The following STPG4 variants were observed in gnomAD, a reference collection of about 807,000 sequenced individuals.
STPG4 encodes the protein sperm-tail PG-rich repeat containing 4.
Under a neutral mutation model 31.5 loss-of-function variants are expected in STPG4, and 41 were observed. That is an observed-to-expected ratio of 1.30 (90% CI 1.01 to 1.69). STPG4 has a LOEUF of 1.69. STPG4 is among the 40% of genes most tolerant of loss of function. STPG4 has a pLI of 0.00. For missense variants in STPG4, 375 were observed against 293.4 expected, an observed-to-expected ratio of 1.28 and a Z score of -2.03; for synonymous variants, 141 against 103.0, an observed-to-expected ratio of 1.37 and a Z score of -2.24.
Position 47,125,545 on chromosome 2 carries a change from T to C in STPG4, c.519+4396A>G, listed in dbSNP as rs541081416. Among the ~76,000 whole-genome samples the C allele has an allele frequency of 3.3e-5, 5 of 152,344 alleles. No homozygotes were observed. In the Middle Eastern group the frequency reaches 0.01, roughly 313 times the overall value. ...TTATGTGGGTCGTCTCTTCACTTTG[T>C]TGATTGTTTCCTTTGTTGTGCAGAA... On this transcript the variant is annotated intron_variant, in intron 5 of 6. Transcript: ENST00000445927.
At chr2:47,139,301 C>T (rs1686658939) in intron 3 of STPG4, among the ~76,000 whole-genome samples, 1 of 152,162 alleles carries the variant, frequency 6.6e-6, no homozygotes, top group South Asian at 2.1e-4. Context: ...ATTATATCTT[C>T]TTGTAGAGTT....
intron 6 of STPG4, among the ~76,000 whole-genome samples, chr2:47,088,690 A>G (rs1685509037): frequency 6.6e-6 from 1 of 152,226 alleles, no homozygotes; most frequent in Non-Finnish European, 1.5e-5. Flanking sequence ...TTCAGGAAAC[A>G]GCAAGAGTGG....
chr2:47,132,396 A>G (rs909855078), intron 3 of STPG4, among the ~76,000 whole-genome samples: 1 of 152,230 alleles, frequency 6.6e-6, no homozygotes, highest in Admixed American at 6.5e-5. Context: ...TCTACCTCCC[A>G]GCACTCGCTG....
intron 5 of STPG4, among the ~76,000 whole-genome samples, chr2:47,107,357 T>C (rs1407061145): frequency 6.6e-6 from 1 of 152,016 alleles, no homozygotes; most frequent in African/African-American, 2.4e-5. Flanking sequence ...ATGGGCTTGG[T>C]GGGCCCCGCA....
chr2:47,126,120 A>T (rs80071913), intron 5 of STPG4, among the ~76,000 whole-genome samples: 3,759 of 152,210 alleles, frequency 0.025, 160 homozygotes, highest in African/African-American at 0.085. Flanking sequence ...TTTTTGCTAC[A>T]ATAGCTCTGT....
intron 3 of STPG4, among the ~76,000 whole-genome samples, chr2:47,137,113 T>C (rs570738479): frequency 6.6e-6 from 1 of 152,352 alleles, no homozygotes; most frequent in South Asian, 2.1e-4. Flanking sequence ...AGTATGATGC[T>C]AGCTGTAGGT....
chr2:47,125,383 T>C (rs1686345229), intron 5 of STPG4, among the ~76,000 whole-genome samples: 1 of 152,158 alleles, frequency 6.6e-6, no homozygotes, highest in African/African-American at 2.4e-5. Context: ...TTTGCATCAC[T>C]GCACTTCAGC....
At chr2:47,092,235 A>G (rs1449210024) in intron 5 of STPG4, among the ~76,000 whole-genome samples, 2 of 148,716 alleles carry the variant, frequency 1.3e-5, no homozygotes, top group Admixed American at 1.4e-4. Flanking sequence ...GAAATTAGGT[A>G]AAGAAGAAAA....
chr2:47,094,573 G>A (rs945011148), intron 5 of STPG4, among the ~76,000 whole-genome samples: 1 of 152,170 alleles, frequency 6.6e-6, no homozygotes, highest in Admixed American at 6.5e-5. Context: ...AGTCCAGTGA[G>A]GGATATAGGC....
chr2:47,114,292 G>A (rs1034643978), intron 5 of STPG4, among the ~76,000 whole-genome samples: 4 of 151,922 alleles, frequency 2.6e-5, no homozygotes, highest in African/African-American at 9.7e-5. Context: ...ATCGCTTGAG[G>A]CCCGGAGTTC....
At chr2:47,088,707 G>A (rs909315956) in intron 6 of STPG4, among the ~76,000 whole-genome samples, 2 of 152,202 alleles carry the variant, frequency 1.3e-5, no homozygotes, top group African/African-American at 4.8e-5. Context: ...GTGGAGCAGA[G>A]CAGTCAGTCC....
At chr2:47,088,667 A>G (rs1022987665) in intron 6 of STPG4, among the ~76,000 whole-genome samples, 1 of 152,194 alleles carries the variant, frequency 6.6e-6, no homozygotes, top group African/African-American at 2.4e-5. Context: ...CCTGCCCTGC[A>G]GTTTCTTATC....
chr2:47,089,725 T>C (rs1023347725), intron 6 of STPG4, among the ~76,000 whole-genome samples: 2 of 152,190 alleles, frequency 1.3e-5, no homozygotes, highest in Admixed American at 1.3e-4. Context: ...TTCTCTAGGT[T>C]TGGAGGAGTC....
At chr2:47,150,880 G>T (rs768229293) in intron 3 of STPG4, among the ~76,000 whole-genome samples, 1 of 151,958 alleles carries the variant, frequency 6.6e-6, no homozygotes, top group Non-Finnish European at 1.5e-5. Flanking sequence ...CTCTAATAAG[G>T]ATACTCCCCG....
intron 5 of STPG4, chr2:47,108,761 G>A (rs1558675558): frequency 6.6e-6 from 1 of 152,394 alleles, no homozygotes; most frequent in African/African-American, 2.4e-5. Context: ...CGCACATAGA[G>A]ATGGGTAGGG....
chr2:47,138,584 T>A (rs1686644468), intron 3 of STPG4, among the ~76,000 whole-genome samples: 1 of 151,958 alleles, frequency 6.6e-6, no homozygotes, highest in Admixed American at 6.6e-5. Flanking sequence ...GGAGTCTTGC[T>A]CTGTTGCCAG....
In STPG4 at chr2:47,095,196, C is replaced by T. The variant is rs573442434; in HGVS notation, c.520-4822G>A. On this transcript the variant is annotated intron_variant, in intron 5 of 6. Coordinates refer to ENST00000445927, the MANE Select transcript of STPG4 (RefSeq NM_001163561.2). ...TAAGGTCTTATGAATTTGGAGTTCC[C>T]GGTACCTCAGTATGGGACCTGATTT... Among the ~76,000 whole-genome samples the T allele has an allele frequency of 3.3e-5, 5 of 152,254 alleles. No homozygotes were observed. In the East Asian group the frequency reaches 7.7e-4, roughly 24 times the overall value.
At chr2:47,102,426 TTC>T (rs1459085464) in intron 5 of STPG4, among the ~76,000 whole-genome samples, 1 of 151,818 alleles carries the variant, frequency 6.6e-6, no homozygotes, top group Non-Finnish European at 1.5e-5. Flanking sequence ...GGCCCCAGTA[TTC>T]TCTCTCTGAT....
intron 5 of STPG4, among the ~76,000 whole-genome samples, chr2:47,100,352 C>G (rs551598728): frequency 6.7e-6 from 1 of 150,278 alleles, no homozygotes; most frequent in South Asian, 2.2e-4. Context: ...CACTCTGTAT[C>G]TAGCTACTCT....
Sources: gnomAD v4.1 joint callset for allele counts (sites outside exome capture counted in the v4.1 genomes callset) on GRCh38, gnomAD v4.1.1 for gene constraint, MANE v1.5 for transcripts, NCBI Gene and HGNC (gene_info 2026-07-23, HGNC 2026-07-21) for gene names.